Variants in DOP1B observed in about 807,000 individuals in gnomAD.
DOP1B encodes protein DOP1B.
A neutral mutation model predicts 233.5 loss-of-function variants in DOP1B; 174 were observed. The ratio of observed to expected loss-of-function variants is 0.75; its 90% CI spans 0.66 to 0.85. The LOEUF is 0.85. DOP1B is among the 40% of genes least tolerant of loss of function. The probability of loss-of-function intolerance (pLI) is 0.00; values close to 1 mark genes in which losing one functional copy is unlikely to be tolerated. For missense variants in DOP1B, 2,652 were observed against 2,846.6 expected, an observed-to-expected ratio of 0.93 and a Z score of 1.56; for synonymous variants, 1,190 against 1,185.6, an observed-to-expected ratio of 1.00 and a Z score of -0.08.
At chr21:36,223,665 G>C (rs1411969667) in intron 11 of DOP1B, among the ~76,000 whole-genome samples, 2 of 152,150 alleles carry the variant, frequency 1.3e-5, no homozygotes, top group Admixed American at 1.3e-4. Context: ...CTGGCTGCCC[G>C]ATCTATTGAA....
intron 2 of DOP1B, 68 bp downstream of exon 2, chr21:36,164,939 G>A (rs1272077562): frequency 7.8e-7 from 1 of 1,283,800 alleles, no homozygotes; most frequent in East Asian, 2.8e-5. Flanking sequence ...ATTATTATAA[G>A]AAATTACATG....
Position 36,245,343 on chromosome 21 carries a change from C to G in DOP1B, c.3363C>G (p.Asp1121Glu). 6.2e-7 allele frequency: 1 copy of G among 1,614,122 alleles called. No individual in the cohort carries two copies. Among genetic ancestry groups the G allele is most frequent in the East Asian group, 2.2e-5 (1 of 44,882 alleles). Residue 1121 changes from aspartate (D) to glutamate (E), a missense_variant, in exon 19 of 37, where the codon GAC becomes GAG. By Grantham distance (45) the Asp-to-Glu change is conservative. Coordinates refer to ENST00000691173, the MANE Select transcript of DOP1B (RefSeq NM_001320714.2). This position sits in a 1 kb window ranked among gnomAD's most constrained non-coding sequence, Gnocchi z 5.5. Reference sequence around the variant, plus strand: ...CAGATACAAGCTCCTGCCACACGGACAGCGAGAACACGTCCTCCTTCTCCT... The same window carrying G: ...CAGATACAAGCTCCTGCCACACGGAGAGCGAGAACACGTCCTCCTTCTCCT... ...ESADTSSCHT[D>E]SENTSSFSSP... is the part of the protein sequence containing the mutation.
chr21:36,169,269 T>C (rs2065947401), intron 2 of DOP1B: 12 of 831,218 alleles, frequency 1.4e-5, no homozygotes, highest in Non-Finnish European at 2.5e-5. Flanking sequence ...TCATAGTCCG[T>C]GGAGGCATTG....
Position 36,288,017 on chromosome 21 carries a change from G to A in DOP1B, c.6164G>A (p.Arg2055His), listed in dbSNP as rs760916018. The A allele has an allele frequency of 1.2e-5, 20 of 1,612,214 alleles. No individual in the cohort carries two copies. The highest frequency in any genetic ancestry group is 1.6e-4 in the Middle Eastern group (1 of 6,072). The part of the protein sequence containing the change: ...YHLYLPLIQE[R>H]LTDNLRVGQT... ...CTTTACAATCTTCTTTCCTTAGAAC[G>A]CCTGACAGACAATCTCAGAGTTGGA... The change falls in exon 33 of 37, where the codon CGC becomes CAC. Residue 2055 changes from arginine (R) to histidine (H), a missense_variant. Transcript: ENST00000691173.
At chr21:36,236,950 A>G (rs565217338) in intron 15 of DOP1B, among the ~76,000 whole-genome samples, 65 of 151,684 alleles carry the variant, frequency 4.3e-4, no homozygotes, top group African/African-American at 1.5e-3. Context: ...ACACCTGGCT[A>G]ATTTTTGTAT....
intron 11 of DOP1B, 43 bp from the exon 12 acceptor site, chr21:36,225,522 T>G (rs549968514): frequency 1.2e-6 from 2 of 1,609,440 alleles, no homozygotes; most frequent in Admixed American, 1.7e-5. Flanking sequence ...TGAGCCTCCA[T>G]GCCTGGCCAA....
At chr21:36,212,163 G>A (rs1398213410) in intron 7 of DOP1B, 66 bp downstream of exon 7, 4 of 1,476,316 alleles carry the variant, frequency 2.7e-6, no homozygotes, top group Non-Finnish European at 3.6e-6. Context: ...CTGACTTCTG[G>A]AATAAGATTT....
At position 36,293,416 on chromosome 21, in the gene DOP1B, A is replaced by G. The variant is rs2067581529; in HGVS notation, c.6742A>G (p.Met2248Val). ...CATCAGGCAGTTGATGCCATTCTTC[A>G]TGACTCTAAATGGTGCATTTAAGAC... ...SSIRQLMPFF[M>V]TLNGAFKTQR... is the part of the protein sequence containing the mutation. The change falls in exon 37 of 37, where the codon ATG becomes GTG. Residue 2248 changes from methionine (M) to valine (V), a missense_variant. This residue lies in a region of DOP1B where 2,617 missense variants were observed against 2,794.3 expected (regional missense o/e 0.94). Coordinates refer to ENST00000691173, the MANE Select transcript of DOP1B (RefSeq NM_001320714.2). The G allele has an allele frequency of 1.2e-6, 2 of 1,614,128 alleles. No individual in the cohort carries two copies. The highest frequency in any genetic ancestry group is 2.7e-5 in the African/African-American group (2 of 75,040).
At chr21:36,186,442 AGTAT>A (rs1046642174) in intron 2 of DOP1B, among the ~76,000 whole-genome samples, 10 of 151,926 alleles carry the variant, frequency 6.6e-5, no homozygotes, top group African/African-American at 1.9e-4. Context: ...ATGTATGGGA[AGTAT>A]GTATGTATGT....
rs966545037 is a variant in DOP1B, at chr21:36,280,497, G to C, written c.6031+151G>C. 1.6e-5 allele frequency: 8 copies of C among 505,806 alleles called. No homozygotes were observed. The South Asian group carries it at 2.7e-4, about 17-fold the overall frequency. 31.3% of individuals were successfully genotyped at this position (505,806 alleles called of 1,614,324 possible). ...TAATGTGATGTTCATAATATGGCAG[G>C]ACTAAATCAATGAGTCTTTTCCAGT... On this transcript the variant is annotated intron_variant, in intron 31 of 36. Coordinates refer to ENST00000691173, the MANE Select transcript of DOP1B (RefSeq NM_001320714.2).
At chr21:36,169,120 C>T (rs2065945136) in intron 2 of DOP1B, 1 of 891,150 alleles carries the variant, frequency 1.1e-6, no homozygotes. Context: ...ATCGTCTGGT[C>T]TGCACCAGCA....
intron 21 of DOP1B, among the ~76,000 whole-genome samples, chr21:36,249,915 G>T (rs541060871): frequency 6.6e-6 from 1 of 152,262 alleles, no homozygotes; most frequent in East Asian, 1.9e-4. Context: ...ATAAGAACCT[G>T]CTCTTAAAAA....
chr21:36,270,539 C>G (rs1226300327), intron 27 of DOP1B, among the ~76,000 whole-genome samples: 2 of 85,674 alleles, frequency 2.3e-5, no homozygotes, highest in African/African-American at 4.9e-5. Flanking sequence ...GGCGACAAAG[C>G]AAGACTCCGT....
chr21:36,223,822 C>T (rs907496399), intron 11 of DOP1B, among the ~76,000 whole-genome samples: 7 of 152,176 alleles, frequency 4.6e-5, no homozygotes, highest in African/African-American at 1.7e-4. Context: ...AATTGCACCA[C>T]CCCTAAATTG....
At chr21:36,288,316 C>T (rs944790382) in intron 33 of DOP1B, among the ~76,000 whole-genome samples, 166 bp downstream of exon 33, 10 of 152,188 alleles carry the variant, frequency 6.6e-5, no homozygotes, top group African/African-American at 2.4e-4. Context: ...ATATTTTACT[C>T]TATGATCATA....
intron 9 of DOP1B, among the ~76,000 whole-genome samples, chr21:36,215,006 G>T (rs1005299966): frequency 6.6e-6 from 1 of 152,160 alleles, no homozygotes; most frequent in Non-Finnish European, 1.5e-5. Flanking sequence ...TTGTACCACG[G>T]CACTCCAGCC....
intron 30 of DOP1B, among the ~76,000 whole-genome samples, chr21:36,279,507 C>G (rs369097375): frequency 1.3e-5 from 2 of 152,168 alleles, no homozygotes; most frequent in East Asian, 1.9e-4. Flanking sequence ...GATTGGGAAC[C>G]CTTTTTGTAT....
chr21:36,263,396 G>A (rs2067195609), intron 24 of DOP1B, 150 bp from the exon 25 acceptor site: 1 of 665,598 alleles, frequency 1.5e-6, no homozygotes, highest in Non-Finnish European at 2.6e-6. Flanking sequence ...TTTAGCTCAT[G>A]TACATTGTAA....
At chr21:36,260,266 GGAAAGAAAGAAAGAAA>G (rs72427881) in intron 23 of DOP1B, among the ~76,000 whole-genome samples, 2 of 124,786 alleles carry the variant, frequency 1.6e-5, no homozygotes, top group Non-Finnish European at 3.2e-5. Flanking sequence ...AAGGAAGGAA[GGAAAGAAAGAAAGAAA>G]GAAAGAAAGA....
Sources: allele counts gnomAD v4.1 joint callset (sites outside exome capture counted in the v4.1 genomes callset), GRCh38; gene constraint gnomAD v4.1.1; regional missense constraint gnomAD v4.1.1; non-coding constraint Gnocchi (gnomAD v3.1); transcripts MANE v1.5; gene names NCBI Gene and HGNC (gene_info 2026-07-23, HGNC 2026-07-21).